Variants in NCALD observed in about 807,000 individuals in gnomAD.
NCALD encodes the protein neurocalcin-delta.
A neutral mutation model predicts 18.6 loss-of-function variants in NCALD; 10 were observed. That is an observed-to-expected ratio of 0.54 (90% CI 0.33 to 0.91). NCALD has a LOEUF of 0.91. NCALD is among the 40% of genes least tolerant of loss of function. The pLI is 0.03. For synonymous variants in NCALD, 88 were observed against 87.4 expected (o/e 1.01, Z -0.04); for missense variants, 184 against 247.6 (o/e 0.74, Z 1.72).
At chr8:101,811,113 C>G (rs569910759) in intron 4 of NCALD, among the ~76,000 whole-genome samples, 3 of 152,280 alleles carry the variant, frequency 2.0e-5, no homozygotes, top group Non-Finnish European at 4.4e-5. Context: ...ACCTGCCCCC[C>G]ATGTGTCCTG....
chr8:101,822,081 A>C (rs1264423125), intron 4 of NCALD, among the ~76,000 whole-genome samples: 2 of 152,104 alleles, frequency 1.3e-5, no homozygotes, highest in Admixed American at 6.5e-5. Flanking sequence ...TAAATGAAAA[A>C]TGTGTGTGTC....
chr8:101,893,902 C>A (rs1247651134), intron 3 of NCALD, among the ~76,000 whole-genome samples: 2 of 146,566 alleles, frequency 1.4e-5, no homozygotes, highest in Non-Finnish European at 1.5e-5. Flanking sequence ...TAGACTCCCA[C>A]ACATTAATAA....
At position 101,688,498 on chromosome 8, in the gene NCALD, T is replaced by G; in HGVS notation, c.*811A>C. 2.9e-6 allele frequency: 1 copy of G among 350,812 alleles called. No individual in the cohort carries two copies. Among genetic ancestry groups the G allele is most frequent in the Middle Eastern group, 1.0e-3 (1 of 980 alleles). 21.7% of individuals were successfully genotyped at this position (350,812 alleles called of 1,614,324 possible). A position where few individuals can be genotyped will look rare whatever the true frequency, so the allele number is the denominator to read the frequency against. ...GTCTTCTGGAATAAGATTGTATTAGTGCTCACTAAACATGCATTTCATTTA... is the reference window on the plus strand; with the variant it reads ...GTCTTCTGGAATAAGATTGTATTAGGGCTCACTAAACATGCATTTCATTTA... On this transcript the variant is annotated 3_prime_UTR_variant, in exon 4 of 4. Transcript: ENST00000220931.
At chr8:101,808,430 C>A (rs1409611096) in intron 4 of NCALD, among the ~76,000 whole-genome samples, 2 of 152,148 alleles carry the variant, frequency 1.3e-5, no homozygotes, top group African/African-American at 4.8e-5. Flanking sequence ...TCTCAAGGAG[C>A]GGCTATTACA....
chr8:102,085,616 G>T (rs1337244978), intron 1 of NCALD, among the ~76,000 whole-genome samples: 4 of 151,996 alleles, frequency 2.6e-5, no homozygotes, highest in Admixed American at 2.6e-4. Flanking sequence ...AATTAGCTGG[G>T]CATGGTGGCA....
chr8:102,102,558 A>C (rs1292712449), intron 1 of NCALD, among the ~76,000 whole-genome samples: 4 of 152,104 alleles, frequency 2.6e-5, no homozygotes, highest in South Asian at 2.1e-4. Flanking sequence ...GATTTTTCCA[A>C]AGGCACCTAG....
At chr8:102,054,642 G>A (rs1823569328) in intron 1 of NCALD, among the ~76,000 whole-genome samples, 1 of 150,594 alleles carries the variant, frequency 6.6e-6, no homozygotes, top group South Asian at 2.1e-4. Context: ...CATCTGATAT[G>A]TCTCTCTCTT....
intron 2 of NCALD, among the ~76,000 whole-genome samples, chr8:101,996,890 C>T (rs538461453): frequency 6.6e-6 from 1 of 152,222 alleles, no homozygotes; most frequent in African/African-American, 2.4e-5. Flanking sequence ...TTATCACGGG[C>T]TTCAGGTTCT....
At chr8:101,703,350 A>G (rs1416144331) in intron 2 of NCALD, among the ~76,000 whole-genome samples, 1 of 152,212 alleles carries the variant, frequency 6.6e-6, no homozygotes, top group Non-Finnish European at 1.5e-5. Flanking sequence ...ATGGTGCTAA[A>G]TCCCTTGGCA....
At chr8:101,949,221 G>C (rs1315610709) in intron 2 of NCALD, among the ~76,000 whole-genome samples, 2 of 152,116 alleles carry the variant, frequency 1.3e-5, no homozygotes, top group African/African-American at 4.8e-5. Context: ...CCACAATCCT[G>C]TGAGGAAAGA....
At chr8:101,866,618 C>T (rs561204701) in intron 4 of NCALD, among the ~76,000 whole-genome samples, 21 of 152,246 alleles carry the variant, frequency 1.4e-4, no homozygotes, top group African/African-American at 5.1e-4. Context: ...TTGTTTAAAC[C>T]AAAACCATGG....
At chr8:101,855,956 C>T (rs60155019) in intron 4 of NCALD, among the ~76,000 whole-genome samples, 2,382 of 152,204 alleles carry the variant, frequency 0.016, 71 homozygotes, top group African/African-American at 0.052. Context: ...TATAGATATC[C>T]TCATGAACAC....
At chr8:101,786,638 A>G (rs571092146) in intron 1 of NCALD, among the ~76,000 whole-genome samples, 2 of 152,328 alleles carry the variant, frequency 1.3e-5, no homozygotes, top group East Asian at 3.9e-4. Flanking sequence ...GCTTAAATTC[A>G]TTAAAGCAAA....
At chr8:101,959,040 T>G (rs1469809040) in intron 2 of NCALD, among the ~76,000 whole-genome samples, 1 of 152,142 alleles carries the variant, frequency 6.6e-6, no homozygotes, top group African/African-American at 2.4e-5. Context: ...TACTACTATC[T>G]CATCCTCAGA....
intron 1 of NCALD, among the ~76,000 whole-genome samples, chr8:101,734,681 A>C (rs1271511685): frequency 6.6e-6 from 1 of 152,166 alleles, no homozygotes; most frequent in Non-Finnish European, 1.5e-5. Flanking sequence ...TATATTCCCT[A>C]AATGACCCAG....
At chr8:102,066,603 C>T (rs1377233479) in intron 1 of NCALD, among the ~76,000 whole-genome samples, 1 of 152,194 alleles carries the variant, frequency 6.6e-6, no homozygotes, top group Non-Finnish European at 1.5e-5. Flanking sequence ...AATCCATTTC[C>T]TTTCAAGACC....
chr8:101,724,873 A>T (rs1283256823), intron 1 of NCALD, among the ~76,000 whole-genome samples: 1 of 152,238 alleles, frequency 6.6e-6, no homozygotes, highest in Non-Finnish European at 1.5e-5. Context: ...CAAAGCATTT[A>T]TAGAGATTAA....
intron 1 of NCALD, among the ~76,000 whole-genome samples, chr8:101,777,222 G>A (rs1240943077): frequency 6.6e-6 from 1 of 152,180 alleles, no homozygotes; most frequent in African/African-American, 2.4e-5. Flanking sequence ...CAGTCCCTGA[G>A]TTATTCAGTC....
At chr8:101,985,208 C>G (rs79222011) in intron 2 of NCALD, among the ~76,000 whole-genome samples, 1 of 152,150 alleles carries the variant, frequency 6.6e-6, no homozygotes, top group Non-Finnish European at 1.5e-5. Flanking sequence ...CCCCTCACCC[C>G]GGGTCTTCTG....
Sources: gnomAD v4.1 joint callset for allele counts (sites outside exome capture counted in the v4.1 genomes callset) on GRCh38, gnomAD v4.1.1 for gene constraint, MANE v1.5 for transcripts, NCBI Gene and HGNC (gene_info 2026-07-23, HGNC 2026-07-21) for gene names.